SEPTIN11: variants seen among roughly 807,000 people sequenced by gnomAD.
SEPTIN11 encodes the protein septin 11, also known as septin-11.
In SEPTIN11, 25 loss-of-function variants were observed where a neutral mutation model predicts 51.4. The ratio of observed to expected loss-of-function variants is 0.49; its 90% CI spans 0.35 to 0.68. SEPTIN11 has a LOEUF of 0.68. Among genes scored for constraint, SEPTIN11 ranks in the 30% least tolerant of loss-of-function variants. The pLI is 0.00. For synonymous variants in SEPTIN11, 174 were observed against 184.1 expected, an observed-to-expected ratio of 0.95 and a Z score of 0.44; for missense variants, 381 against 520.8, an observed-to-expected ratio of 0.73 and a Z score of 2.61.
In SEPTIN11 at chr4:77,030,935, G is replaced by C. The variant is rs1726579727; in HGVS notation, c.1239G>C (p.Gly413=). Residue 413 remains glycine (G), a synonymous_variant, in exon 9 of 10, where the codon GGG becomes GGC. Transcript: ENST00000264893. ...QLLQSQAQQS[G]AQQTKKDKDK... ...TACAGTCCCAGGCCCAGCAATCTGGGGCCCAGCAAACCAAGAAAGACAAGG... is the reference window on the plus strand; with the variant it reads ...TACAGTCCCAGGCCCAGCAATCTGGCGCCCAGCAAACCAAGAAAGACAAGG... The C allele has an allele frequency of 6.2e-7, 1 of 1,606,082 alleles. No individual in the cohort carries two copies. The highest frequency in any genetic ancestry group is 1.4e-5 in the African/African-American group (1 of 73,926).
chr4:76,959,199 T>A, intron 1 of SEPTIN11: 1 of 359,358 alleles, frequency 2.8e-6, no homozygotes, highest in Non-Finnish European at 5.5e-6. Flanking sequence ...TGAGCAACTG[T>A]AACGACCGAT....
intron 1 of SEPTIN11, among the ~76,000 whole-genome samples, chr4:76,992,006 T>C (rs1578151885): frequency 1.3e-5 from 2 of 152,230 alleles, no homozygotes; most frequent in East Asian, 3.8e-4. Context: ...CATTTCAAGA[T>C]GGAGTGGGCT....
chr4:76,996,557 C>A lies in SEPTIN11; in HGVS notation c.142+18C>A. On this transcript the variant is annotated intron_variant, in intron 2 of 9. Coordinates refer to ENST00000264893, the MANE Select transcript of SEPTIN11 (RefSeq NM_018243.4). ...TTGTGTTGGTAAGTTATTCATCACC[C>A]CACAGCAAGAAATTTGATCCTTAGA... 6.5e-7 allele frequency: 1 copy of A among 1,541,748 alleles called. No homozygotes were observed.
rs1057446340 is a variant in SEPTIN11 at position 77,035,163 on chromosome 4, C to T, written c.*651C>T. 30 of 985,334 alleles carry T rather than the reference C, an allele frequency of 3.0e-5. No homozygotes were observed. The highest frequency in any genetic ancestry group is 3.3e-5 in the Non-Finnish European group (27 of 829,972). 61.0% of individuals were successfully genotyped at this position (985,334 alleles called of 1,614,324 possible). Reference sequence around the variant, plus strand: ...TGCATCTGAATGCCTGCCTTCAATCCTGGCCAAGTTGGAGTAGACTGGTAT... The same window carrying T: ...TGCATCTGAATGCCTGCCTTCAATCTTGGCCAAGTTGGAGTAGACTGGTAT... On this transcript the variant is annotated 3_prime_UTR_variant, in exon 10 of 10. Coordinates refer to ENST00000264893, the MANE Select transcript of SEPTIN11 (RefSeq NM_018243.4).
rs1351287282 is a variant in SEPTIN11 at position 77,035,726 on chromosome 4, T to G, written c.*1214T>G. 1 of 985,780 alleles carries G rather than the reference T, an allele frequency of 1.0e-6. No individual in the cohort carries two copies. The highest frequency in any genetic ancestry group is 1.2e-6 in the Non-Finnish European group (1 of 829,960). 61.1% of individuals were successfully genotyped at this position (985,780 alleles called of 1,614,324 possible). On this transcript the variant is annotated 3_prime_UTR_variant, in exon 10 of 10. Coordinates refer to ENST00000264893, the MANE Select transcript of SEPTIN11 (RefSeq NM_018243.4). ...TGGCTAGCTCCACCTGCTCTTTGTC[T>G]AAGGCCCTTGCCTCATCAGGGATTA...
At chr4:77,015,442 T>C (rs78597798) in intron 5 of SEPTIN11, among the ~76,000 whole-genome samples, 344 of 152,292 alleles carry the variant, frequency 2.3e-3, no homozygotes, top group African/African-American at 7.7e-3. Context: ...TTCTAATCAT[T>C]AGGTAAACTG....
chr4:76,961,116 T>G (rs904759547), intron 1 of SEPTIN11, among the ~76,000 whole-genome samples: 1 of 152,198 alleles, frequency 6.6e-6, no homozygotes, highest in African/African-American at 2.4e-5. Context: ...CTCTTTTAAC[T>G]AGTATTCAGC....
chr4:76,996,006 T>C, intron 1 of SEPTIN11: 1 of 1,401,424 alleles, frequency 7.1e-7, no homozygotes, highest in South Asian at 1.2e-5. Context: ...AAAGTTCTTT[T>C]ATGTATCTGG....
chr4:76,989,124 C>T (rs1362720822), intron 1 of SEPTIN11, among the ~76,000 whole-genome samples: 1 of 152,142 alleles, frequency 6.6e-6, no homozygotes, highest in Non-Finnish European at 1.5e-5. Context: ...GATTAAATCT[C>T]CTCACTTTAC....
chr4:76,959,567 T>G (rs1721733568), intron 1 of SEPTIN11, among the ~76,000 whole-genome samples: 1 of 152,184 alleles, frequency 6.6e-6, no homozygotes, highest in Non-Finnish European at 1.5e-5. Flanking sequence ...TGTTCTGTAA[T>G]GGGTTTAATT....
intron 7 of SEPTIN11, among the ~76,000 whole-genome samples, chr4:77,027,800 A>G (rs1169616553): frequency 6.6e-6 from 1 of 152,186 alleles, no homozygotes; most frequent in Admixed American, 6.5e-5. Flanking sequence ...GTGTTACCAA[A>G]GTGATTTCTC....
At chr4:76,992,763 G>A (rs889015797) in intron 1 of SEPTIN11, among the ~76,000 whole-genome samples, 1 of 152,174 alleles carries the variant, frequency 6.6e-6, no homozygotes, top group African/African-American at 2.4e-5. Context: ...CAATGATGGA[G>A]GTATAATTTT....
intron 5 of SEPTIN11, among the ~76,000 whole-genome samples, chr4:77,016,252 CCCTCAT>C (rs1725215173): frequency 1.3e-5 from 2 of 151,924 alleles, no homozygotes; most frequent in East Asian, 3.9e-4. Context: ...TATTATTCCT[CCCTCAT>C]ATATGAGGAG....
intron 2 of SEPTIN11, among the ~76,000 whole-genome samples, chr4:76,997,671 G>T (rs1028119437): frequency 6.6e-6 from 1 of 152,112 alleles, no homozygotes; most frequent in African/African-American, 2.4e-5. Flanking sequence ...TTTTCCCTAC[G>T]TGAAGCCTTT....
In SEPTIN11 at chr4:77,036,995, G is replaced by T; in HGVS notation, c.*2483G>T. ...AAAAAAAGACTAAATATATTTAAAA[G>T]GCCACATTTATATTTTTTTCACAAG... is the stretch of plus-strand genomic sequence containing the variant. On this transcript the variant is annotated 3_prime_UTR_variant, in exon 10 of 10. Transcript: ENST00000264893. 1.6e-6 allele frequency: 2 copies of T among 1,259,440 alleles called. No individual in the cohort carries two copies. The highest frequency in any genetic ancestry group is 6.1e-5 in the South Asian group (2 of 32,538). 78.0% of individuals were successfully genotyped at this position (1,259,440 alleles called of 1,614,324 possible).
At chr4:77,016,629 T>TACACACATATATATATATACACAC in intron 5 of SEPTIN11, among the ~76,000 whole-genome samples, 1 of 74,048 alleles carries the variant, frequency 1.4e-5, no homozygotes, top group African/African-American at 6.2e-5. Context: ...TATATATATA[T>TACACACATATATATATATACACAC]ACACATATAT....
intron 9 of SEPTIN11, chr4:77,032,004 A>C (rs1011552731): frequency 7.9e-5 from 12 of 152,208 alleles, no homozygotes; most frequent in African/African-American, 2.9e-4. Flanking sequence ...CATAGAGTAC[A>C]TAGGATCAAG....
rs528030293 is a variant in SEPTIN11 at position 77,007,412 on chromosome 4, A to T, written c.338+1616A>T. Among the ~76,000 whole-genome samples, 74 of 152,306 alleles carry T rather than the reference A, an allele frequency of 4.9e-4. 1 individual carries two copies. The South Asian group carries it at 0.013, about 27-fold the overall frequency. On this transcript the variant is annotated intron_variant, in intron 3 of 9. Transcript: ENST00000264893. The stretch of plus-strand genomic sequence containing the variant: ...CCCCAAGGAATGAGAACCATCCTCC[A>T]CATAGCCTCTTGCTGAGATTCCCTG...
chr4:77,012,115 C>CAA (rs199819432), intron 4 of SEPTIN11, among the ~76,000 whole-genome samples, 194 bp downstream of exon 4: 23 of 84,644 alleles, frequency 2.7e-4, no homozygotes, highest in Non-Finnish European at 3.8e-4. Flanking sequence ...ACAAAACTAG[C>CAA]AAAAAAAAAA....
Sources: allele counts gnomAD v4.1 joint callset (sites outside exome capture counted in the v4.1 genomes callset), GRCh38; gene constraint gnomAD v4.1.1; transcripts MANE v1.5; gene names NCBI Gene and HGNC (gene_info 2026-07-23, HGNC 2026-07-21).